The following NDST4 variants were observed in gnomAD, a reference collection of about 807,000 sequenced individuals.
The protein encoded by NDST4 is N-heparan sulfate sulfotransferase 4.
Under a neutral mutation model 100.8 loss-of-function variants are expected in NDST4, and 63 were observed. The observed-to-expected ratio is 0.62, with a 90% confidence interval of 0.51 to 0.77. NDST4 has a LOEUF of 0.77. NDST4 is among the 30% of genes least tolerant of loss of function. The pLI is 0.00. For missense variants in NDST4, 943 were observed against 1,018.4 expected (o/e 0.93, Z 1.01); for synonymous variants, 377 against 361.8 (o/e 1.04, Z -0.48).
chr4:115,061,001 G>C (rs1362539624), intron 2 of NDST4, among the ~76,000 whole-genome samples: 1 of 152,002 alleles, frequency 6.6e-6, no homozygotes. Flanking sequence ...AACAAAAAGT[G>C]GGTGATGGAT....
In NDST4 at chr4:114,870,908, G is replaced by T. The variant is rs201752251; in HGVS notation, c.1579C>A (p.Arg527Ser). The T allele has an allele frequency of 2.5e-6, 4 of 1,609,386 alleles. No individual in the cohort carries two copies. Among genetic ancestry groups the T allele is most frequent in the Non-Finnish European group, 8.5e-7 (1 of 1,177,974 alleles). Residue 527 changes from arginine (R) to serine (S), a missense_variant, in exon 7 of 14, where the codon CGC (arginine) becomes AGC (serine). Transcript: ENST00000264363. The part of the protein sequence containing the change: ...MTHLSNYGND[R>S]LGLYTFVNLV... ...TTCACAAAGGTATATAACCCTAGGC[G>T]GTCATTTCCATAGTTTGATAAATGG...
chr4:115,016,887 T>A (rs968342761), intron 2 of NDST4, among the ~76,000 whole-genome samples: 11 of 151,990 alleles, frequency 7.2e-5, no homozygotes, highest in Non-Finnish European at 2.9e-5. Flanking sequence ...GAATGGGCAG[T>A]AGAAGAAGGT....
chr4:114,921,781 C>T (rs1016911853), intron 6 of NDST4, among the ~76,000 whole-genome samples: 3 of 152,082 alleles, frequency 2.0e-5, no homozygotes, highest in African/African-American at 4.8e-5. Flanking sequence ...ATTCCAGCTG[C>T]CTGTTTGATT....
At chr4:115,065,868 A>AACTT (rs1728935063) in intron 2 of NDST4, among the ~76,000 whole-genome samples, 1 of 152,160 alleles carries the variant, frequency 6.6e-6, no homozygotes, top group Admixed American at 6.5e-5. Context: ...TAACACAGGC[A>AACTT]ACTTACCATT....
intron 6 of NDST4, among the ~76,000 whole-genome samples, chr4:114,933,259 T>G (rs1725550829): frequency 6.6e-6 from 1 of 152,026 alleles, no homozygotes; most frequent in South Asian, 2.1e-4. Flanking sequence ...TTGGGAAAAC[T>G]GAATATCCCC....
chr4:114,989,600 T>C (rs1157224015), intron 2 of NDST4, among the ~76,000 whole-genome samples: 2 of 152,146 alleles, frequency 1.3e-5, no homozygotes, highest in African/African-American at 2.4e-5. Context: ...ATAATATTCA[T>C]GATTTATACC....
chr4:114,833,308 C>G (rs532578965), intron 12 of NDST4, among the ~76,000 whole-genome samples: 63 of 152,202 alleles, frequency 4.1e-4, no homozygotes, highest in African/African-American at 1.3e-3. Context: ...AACTAAATTT[C>G]TAGGACACTT....
chr4:114,889,261 C>T (rs996178626), intron 6 of NDST4, among the ~76,000 whole-genome samples: 2 of 152,138 alleles, frequency 1.3e-5, no homozygotes, highest in Admixed American at 6.6e-5. Flanking sequence ...TCCCAAGATA[C>T]GTGTGAATTG....
At chr4:115,033,157 ATTTTT>A (rs1192796806) in intron 2 of NDST4, among the ~76,000 whole-genome samples, 42 of 59,944 alleles carry the variant, frequency 7.0e-4, no homozygotes, top group African/African-American at 2.4e-3. Context: ...ATATATATAT[ATTTTT>A]TTTTTTTTTG....
chr4:115,090,000 T>C (rs1252451138), intron 1 of NDST4, among the ~76,000 whole-genome samples: 1 of 151,806 alleles, frequency 6.6e-6, no homozygotes, highest in Admixed American at 6.6e-5. Flanking sequence ...CAAAATTTGA[T>C]CTACCATCTT....
intron 6 of NDST4, among the ~76,000 whole-genome samples, chr4:114,900,502 A>G (rs999655782): frequency 9.9e-5 from 15 of 152,122 alleles, no homozygotes; most frequent in African/African-American, 3.6e-4. Context: ...TGATTATAAT[A>G]CCATATTTTT....
chr4:115,063,235 G>A (rs1274493648), intron 2 of NDST4, among the ~76,000 whole-genome samples: 1 of 151,868 alleles, frequency 6.6e-6, no homozygotes. Context: ...GACATCAGAA[G>A]ACTATTTGAT....
intron 7 of NDST4, among the ~76,000 whole-genome samples, chr4:114,861,934 A>T (rs1723926674): frequency 1.3e-5 from 2 of 152,094 alleles, no homozygotes; most frequent in South Asian, 2.1e-4. Context: ...TCTTAATTAC[A>T]TGTCAGTACC....
At chr4:115,090,575 CCTGT>C (rs1270203892) in intron 1 of NDST4, among the ~76,000 whole-genome samples, 2 of 151,526 alleles carry the variant, frequency 1.3e-5, no homozygotes, top group Non-Finnish European at 2.9e-5. Flanking sequence ...GAAATAATAA[CCTGT>C]CTATCGGTAT....
At chr4:115,079,362 A>AG (rs1223333360) in intron 1 of NDST4, among the ~76,000 whole-genome samples, 1 of 143,902 alleles carries the variant, frequency 6.9e-6, no homozygotes, top group Non-Finnish European at 1.5e-5. Context: ...ACTCTGTCTC[A>AG]GAAAAAAAAA....
chr4:115,026,884 C>A (rs1484776735), intron 2 of NDST4, among the ~76,000 whole-genome samples: 1 of 152,004 alleles, frequency 6.6e-6, no homozygotes, highest in African/African-American at 2.4e-5. Flanking sequence ...GGGAGATGAA[C>A]CTTGAGAAAA....
chr4:114,968,995 C>T (rs545333518), intron 4 of NDST4, among the ~76,000 whole-genome samples: 2 of 152,296 alleles, frequency 1.3e-5, no homozygotes, highest in East Asian at 3.9e-4. Context: ...AAATAGATCA[C>T]ACTAAAATAT....
chr4:114,926,845 A>G (rs1725396277), intron 6 of NDST4, among the ~76,000 whole-genome samples: 1 of 152,130 alleles, frequency 6.6e-6, no homozygotes, highest in African/African-American at 2.4e-5. Flanking sequence ...AATAAGAAAG[A>G]ACTATAGAGT....
At chr4:115,091,966 A>G (rs1245149791) in intron 1 of NDST4, among the ~76,000 whole-genome samples, 3 of 152,186 alleles carry the variant, frequency 2.0e-5, no homozygotes, top group Non-Finnish European at 2.9e-5. Flanking sequence ...TGCAAACTAT[A>G]TAACTGGAAT....
Sources: allele counts gnomAD v4.1 joint callset (sites outside exome capture counted in the v4.1 genomes callset), GRCh38; gene constraint gnomAD v4.1.1; transcripts MANE v1.5; gene names NCBI Gene and HGNC (gene_info 2026-07-23, HGNC 2026-07-21).